The following PPP1R9A variants were observed in gnomAD, a reference collection of about 807,000 sequenced individuals.
The protein encoded by PPP1R9A is neurabin-1.
PPP1R9A carries 59 observed loss-of-function variants against 141.9 expected under a neutral mutation model. That is an observed-to-expected ratio of 0.42 (90% confidence interval 0.34 to 0.52). The LOEUF (loss-of-function observed/expected upper bound fraction) is 0.52. Ranked by LOEUF, PPP1R9A falls within the 20% of genes least tolerant of loss-of-function variation. The probability of loss-of-function intolerance (pLI) is 0.10; values close to 1 mark genes in which losing one functional copy is unlikely to be tolerated. For synonymous variants in PPP1R9A, 500 were observed against 569.7 expected (o/e 0.88, Z 1.74); for missense variants, 1,444 against 1,611.9 (o/e 0.90, Z 1.78).
chr7:95,057,238 A>C (rs1811626166), intron 2 of PPP1R9A, among the ~76,000 whole-genome samples: 1 of 152,098 alleles, frequency 6.6e-6, no homozygotes, highest in Non-Finnish European at 1.5e-5. Flanking sequence ...ATTCAACCAC[A>C]GCTGTTTTAG....
intron 8 of PPP1R9A, among the ~76,000 whole-genome samples, chr7:95,232,245 A>G (rs1796060716): frequency 6.6e-6 from 1 of 152,120 alleles, no homozygotes; most frequent in Admixed American, 6.6e-5. Flanking sequence ...TGAAATGGTA[A>G]TTAAAAAAAA....
rs148384767 is a variant in PPP1R9A, at chr7:95,250,450, G to C, written c.2396+195G>C. Among the ~76,000 whole-genome samples, 49 of 152,172 alleles carry C rather than the reference G, an allele frequency of 3.2e-4. No individual in the cohort carries two copies. The East Asian group carries it at 9.1e-3, about 28-fold the overall frequency. ...TCACTTTTTCATGAGATTATGTTTTGTATATTTTATAGTTTTTGGCTGCCA... is the reference window on the plus strand; with the variant it reads ...TCACTTTTTCATGAGATTATGTTTTCTATATTTTATAGTTTTTGGCTGCCA... On this transcript the variant is annotated intron_variant, in intron 10 of 19. Coordinates refer to ENST00000433360, the MANE Select transcript of PPP1R9A (RefSeq NM_001166160.2).
At chr7:95,038,898 T>C (rs1269963830) in intron 2 of PPP1R9A, among the ~76,000 whole-genome samples, 2 of 151,788 alleles carry the variant, frequency 1.3e-5, no homozygotes, top group African/African-American at 4.9e-5. Flanking sequence ...AAACCCATAG[T>C]TAAAAGGGAA....
At chr7:95,106,460 G>A (rs951339549) in intron 2 of PPP1R9A, among the ~76,000 whole-genome samples, 9 of 152,106 alleles carry the variant, frequency 5.9e-5, no homozygotes, top group African/African-American at 2.2e-4. Context: ...GCTTAACGAT[G>A]TATGTATCTT....
intron 2 of PPP1R9A, among the ~76,000 whole-genome samples, chr7:95,030,612 G>T (rs180863192): frequency 6.6e-6 from 1 of 152,056 alleles, no homozygotes; most frequent in East Asian, 1.9e-4. Context: ...CCAAGTGTTA[G>T]CTCTGAAGTT....
chr7:94,957,523 C>A (rs115657643), intron 2 of PPP1R9A, among the ~76,000 whole-genome samples: 2,040 of 152,044 alleles, frequency 0.013, 51 homozygotes, highest in African/African-American at 0.047. Flanking sequence ...GTAAGTGTGA[C>A]TAGATTGGCA....
chr7:95,252,302 A>C (rs945920378), intron 12 of PPP1R9A, among the ~76,000 whole-genome samples, 172 bp downstream of exon 12: 4 of 152,140 alleles, frequency 2.6e-5, no homozygotes, highest in African/African-American at 9.7e-5. Flanking sequence ...CTTATCAAAA[A>C]TAAATACTTT....
Position 94,910,993 on chromosome 7 carries a change from G to A in PPP1R9A, c.880G>A (p.Gly294Ser), listed in dbSNP as rs1332645537. The change falls in exon 2 of 20, where the codon GGT (glycine) becomes AGT (serine). Residue 294 changes from glycine to serine, a missense_variant. Physicochemically the swap from Gly to Ser is moderately conservative, Grantham distance 56. This residue lies in a region of PPP1R9A where 490 missense variants were observed against 521.1 expected (regional missense o/e 0.94). Transcript: ENST00000433360. The surrounding 1 kb of genome is among the most constrained non-coding windows in gnomAD (Gnocchi z 4.5). ...SKSTSLASIPGEEIQQSKEPE... is the reference protein window; with the variant it reads ...SKSTSLASIPSEEIQQSKEPE... ...AAGTACCTCTCTAGCTTCGATACCT[G>A]GTGAAGAGATCCAGCAGAGCAAGGA... 3 of 1,614,106 alleles carry A rather than the reference G, an allele frequency of 1.9e-6. No homozygotes were observed. The highest frequency in any genetic ancestry group is 4.5e-5 in the East Asian group (2 of 44,882).
intron 5 of PPP1R9A, among the ~76,000 whole-genome samples, chr7:95,180,873 A>T (rs948591935): frequency 6.6e-6 from 1 of 152,072 alleles, no homozygotes; most frequent in East Asian, 1.9e-4. Context: ...AAAAAAACTG[A>T]TGTTGACTGA....
intron 2 of PPP1R9A, among the ~76,000 whole-genome samples, chr7:95,110,222 G>A (rs1033273157): frequency 1.3e-5 from 2 of 152,134 alleles, no homozygotes; most frequent in Non-Finnish European, 2.9e-5. Flanking sequence ...TAATACAAAT[G>A]TAAAGTGTCC....
At chr7:95,248,754 A>G (rs966162763) in intron 9 of PPP1R9A, among the ~76,000 whole-genome samples, 2 of 152,184 alleles carry the variant, frequency 1.3e-5, no homozygotes, top group African/African-American at 4.8e-5. Context: ...GGCATGTAAT[A>G]TCCACAGATT....
At chr7:95,133,513 TTATATATA>T (rs10570222) in intron 4 of PPP1R9A, among the ~76,000 whole-genome samples, 3,776 of 132,678 alleles carry the variant, frequency 0.028, 167 homozygotes, top group African/African-American at 0.095. Flanking sequence ...TGCAGTCGTA[TTATATATA>T]TATATATATA....
chr7:95,248,943 G>A (rs1288911375), intron 9 of PPP1R9A, among the ~76,000 whole-genome samples: 2 of 152,086 alleles, frequency 1.3e-5, no homozygotes, highest in African/African-American at 4.8e-5. Context: ...AGTGCTATAT[G>A]ATTTTGAACA....
chr7:95,220,943 G>T (rs917462238), intron 7 of PPP1R9A, among the ~76,000 whole-genome samples: 1 of 152,026 alleles, frequency 6.6e-6, no homozygotes, highest in African/African-American at 2.4e-5. Flanking sequence ...GTAGAAGCTG[G>T]TGCCTACCCC....
At chr7:95,043,541 C>T (rs1392152270) in intron 2 of PPP1R9A, among the ~76,000 whole-genome samples, 1 of 152,140 alleles carries the variant, frequency 6.6e-6, no homozygotes. Context: ...TGATCTCGAC[C>T]TACTTCTGCA....
intron 2 of PPP1R9A, among the ~76,000 whole-genome samples, chr7:94,997,816 T>C (rs1802384965): frequency 6.6e-6 from 1 of 152,064 alleles, no homozygotes; most frequent in Admixed American, 6.6e-5. Context: ...CTCCCTAGAG[T>C]CTTATTTTTA....
chr7:94,997,553 G>C (rs970589629), intron 2 of PPP1R9A, among the ~76,000 whole-genome samples: 1 of 152,090 alleles, frequency 6.6e-6, no homozygotes, highest in Non-Finnish European at 1.5e-5. Flanking sequence ...AGTGTTTAGG[G>C]TGTTTGAGTC....
At chr7:95,272,120 T>G (rs1802286614) in intron 14 of PPP1R9A, among the ~76,000 whole-genome samples, 1 of 152,184 alleles carries the variant, frequency 6.6e-6, no homozygotes, top group Non-Finnish European at 1.5e-5. Context: ...TCCAAATAAC[T>G]GCAACACTCA....
chr7:95,246,793 G>C (rs1351402678), intron 8 of PPP1R9A, among the ~76,000 whole-genome samples: 6 of 152,124 alleles, frequency 3.9e-5, no homozygotes, highest in Non-Finnish European at 7.4e-5. Flanking sequence ...ACAAAGCGGG[G>C]GGAGGGACAA....
Sources: gnomAD v4.1 joint callset for allele counts (sites outside exome capture counted in the v4.1 genomes callset) on GRCh38, gnomAD v4.1.1 for gene constraint, gnomAD v4.1.1 regional missense constraint, Gnocchi (gnomAD v3.1) non-coding constraint, MANE v1.5 for transcripts, NCBI Gene and HGNC (gene_info 2026-07-23, HGNC 2026-07-21) for gene names.